The following WEE1 variants were observed in gnomAD, a reference collection of about 807,000 sequenced individuals.
WEE1 encodes the protein wee1-like protein kinase.
A neutral mutation model predicts 68.8 loss-of-function variants in WEE1; 16 were observed. That is an observed-to-expected ratio of 0.23 (90% confidence interval 0.16 to 0.35). The LOEUF is 0.35. WEE1 is among the 10% of genes least tolerant of loss of function. The pLI is 1.00. For missense variants in WEE1, 651 were observed against 824.1 expected (o/e 0.79, Z 2.57); for synonymous variants, 349 against 318.7 (o/e 1.09, Z -1.01).
chr11:9,574,973 T>C lies in WEE1; in HGVS notation c.576+464T>C, dbSNP rs1169058264. 1.8e-5 allele frequency: 18 copies of C among 985,460 alleles called. No homozygotes were observed. Among genetic ancestry groups the C allele is most frequent in the Non-Finnish European group, 2.2e-5 (18 of 830,086 alleles). The allele number at this position is 985,460 out of a possible 1,614,324, so 61.0% of individuals were successfully genotyped here. Reference sequence around the variant, plus strand: ...AAAAATAATTGTCCCGCCCTGATCGTGTCGTGTCGTGTGGCGTGGATGGGG... The same window carrying C: ...AAAAATAATTGTCCCGCCCTGATCGCGTCGTGTCGTGTGGCGTGGATGGGG... On this transcript the variant is annotated intron_variant, in intron 1 of 10. Coordinates refer to ENST00000450114, the MANE Select transcript of WEE1 (RefSeq NM_003390.4). The surrounding 1 kb of genome is among the most constrained non-coding windows in gnomAD (Gnocchi z 4.9).
chr11:9,575,359 A>T (rs1849554217), intron 1 of WEE1: 2 of 991,218 alleles, frequency 2.0e-6, no homozygotes, highest in Non-Finnish European at 2.4e-6. Flanking sequence ...GTTAACAGGG[A>T]AGATGCACCT....
intron 6 of WEE1, 196 bp from the exon 7 acceptor site, chr11:9,585,062 C>CAA: frequency 3.8e-6 from 2 of 532,322 alleles, no homozygotes; most frequent in Non-Finnish European, 3.3e-6. Context: ...CACACTGTCT[C>CAA]AAAAAAAAAC....
rs147130750 is a variant in WEE1 at position 9,589,557 on chromosome 11, C to T, written c.*955C>T. The T allele has an allele frequency of 2.0e-4, 194 of 985,584 alleles. No homozygotes were observed. Among genetic ancestry groups the T allele is most frequent in the Non-Finnish European group, 1.9e-4 (157 of 829,806 alleles). 61.1% of individuals were successfully genotyped at this position (985,584 alleles called of 1,614,324 possible). On this transcript the variant is annotated 3_prime_UTR_variant, in exon 11 of 11. Coordinates refer to ENST00000450114, the MANE Select transcript of WEE1 (RefSeq NM_003390.4). The stretch of plus-strand genomic sequence containing the variant: ...ATAGCTGTTTGAAATGCCAGAATGA[C>T]TTCTGACATTCCAAGTTTTTCACAA...
rs1589982637 is a variant in WEE1 at position 9,589,275 on chromosome 11, T to C, written c.*673T>C. The C allele has an allele frequency of 1.1e-5, 2 of 177,202 alleles. No individual in the cohort carries two copies. Among genetic ancestry groups the C allele is most frequent in the Non-Finnish European group, 1.9e-5 (2 of 105,802 alleles). The allele number at this position is 177,202 out of a possible 1,614,324, so 11.0% of individuals were successfully genotyped here. On this transcript the variant is annotated 3_prime_UTR_variant, in exon 11 of 11. Coordinates refer to ENST00000450114, the MANE Select transcript of WEE1 (RefSeq NM_003390.4). ...TTTTGATGAAAAGCAGCTATTTGCC[T>C]TTTTTTTTTTTTCCTTTGAACTTTG...
rs185250489 is a variant in WEE1, at chr11:9,583,060, A to C, written c.1288+1382A>C. Among the ~76,000 whole-genome samples the C allele has an allele frequency of 3.9e-5, 6 of 152,230 alleles. No homozygotes were observed. In the East Asian group the frequency reaches 9.7e-4, roughly 25 times the overall value. On this transcript the variant is annotated intron_variant, in intron 6 of 10. Coordinates refer to ENST00000450114, the MANE Select transcript of WEE1 (RefSeq NM_003390.4). ...ACCAGGTGCAGTGGCTGACGCCTGT[A>C]ATCCCAGCACTCTGGCAGGCCAAGG... is the stretch of plus-strand genomic sequence containing the variant.
chr11:9,586,170 G>T (rs1278414173), intron 8 of WEE1, among the ~76,000 whole-genome samples: 2 of 152,132 alleles, frequency 1.3e-5, no homozygotes, highest in Non-Finnish European at 2.9e-5. Context: ...GAGGTAGAGG[G>T]ATTTCTTTTG....
Position 9,574,964 on chromosome 11 carries a change from C to G in WEE1, c.576+455C>G. ...AGTTTAAAGAAAAATAATTGTCCCG[C>G]CCTGATCGTGTCGTGTCGTGTGGCG... On this transcript the variant is annotated intron_variant, in intron 1 of 10. Coordinates refer to ENST00000450114, the MANE Select transcript of WEE1 (RefSeq NM_003390.4). This position sits in a 1 kb window ranked among gnomAD's most constrained non-coding sequence, Gnocchi z 4.9. 3.0e-6 allele frequency: 3 copies of G among 985,662 alleles called. No homozygotes were observed. Among genetic ancestry groups the G allele is most frequent in the Non-Finnish European group, 3.6e-6 (3 of 830,130 alleles). 61.1% of individuals were successfully genotyped at this position (985,662 alleles called of 1,614,324 possible).
At chr11:9,582,907 G>T (rs1849643974) in intron 6 of WEE1, among the ~76,000 whole-genome samples, 1 of 152,152 alleles carries the variant, frequency 6.6e-6, no homozygotes, top group African/African-American at 2.4e-5. Flanking sequence ...TGGATTTAAG[G>T]CAGTAAATGT....
chr11:9,585,481 T>C lies in WEE1; in HGVS notation c.1424T>C (p.Val475Ala). 6 of 1,604,314 alleles carry C rather than the reference T, an allele frequency of 3.7e-6. No homozygotes were observed. The South Asian group carries it at 5.7e-5, about 15-fold the overall frequency. The part of the protein sequence containing the change: ...GHVTRISSPQ[V>A]EEGDSRFLAN... The stretch of plus-strand genomic sequence containing the variant: ...GTAACAAGGATCTCCAGTCCACAAG[T>C]TGAAGAGGGCGATAGTCGTTTTCTT... Residue 475 changes from valine to alanine, a missense_variant, in exon 8 of 11, where the codon GTT (valine) becomes GCT (alanine). This residue lies in a region of WEE1 where 82 missense variants were observed against 123.2 expected (regional missense o/e 0.67). Transcript: ENST00000450114.
rs765764412 is a variant in WEE1 at position 9,586,526 on chromosome 11, T to A, written c.1548T>A (p.Leu516=). The change falls in exon 9 of 11, where the codon CTT becomes CTA. Residue 516 remains leucine (L), a synonymous_variant. Coordinates refer to ENST00000450114, the MANE Select transcript of WEE1 (RefSeq NM_003390.4). ...TATGTGCTGCTGGTGCTGAACCTCT[T>A]CCGAGAAATGGAGATCAATGGCATG... ...TVVCAAGAEP[L]PRNGDQWHEI... 1 of 1,614,152 alleles carries A rather than the reference T, an allele frequency of 6.2e-7. No individual in the cohort carries two copies. The highest frequency in any genetic ancestry group is 8.5e-7 in the Non-Finnish European group (1 of 1,180,014).
rs1775009653 is a variant in WEE1 at position 9,586,677 on chromosome 11, A to G, written c.1642-34A>G. The stretch of plus-strand genomic sequence containing the variant: ...CATGGTTCTATATTTTATTAAATGC[A>G]TGTCTTTACCTTCATTTTACTTTTC... On this transcript the variant is annotated intron_variant, in intron 9 of 10. Transcript: ENST00000450114. 4 of 1,611,536 alleles carry G rather than the reference A, an allele frequency of 2.5e-6. No individual in the cohort carries two copies. In the South Asian group the frequency reaches 3.3e-5, roughly 13 times the overall value.
Position 9,586,865 on chromosome 11 carries a change from G to A in WEE1, c.1787+9G>A, listed in dbSNP as rs1238677448. On this transcript the variant is annotated intron_variant, in intron 10 of 10. Transcript: ENST00000450114. ...AATTCACTTTTACAAAAGTAAGTGA[G>A]GGTTTTATGTTTTCTTTTTGCTTTT... The A allele has an allele frequency of 6.3e-7, 1 of 1,592,568 alleles. No homozygotes were observed. The highest frequency in any genetic ancestry group is 8.5e-7 in the Non-Finnish European group (1 of 1,172,592).
Position 9,573,909 on chromosome 11 carries a change from C to T in WEE1, c.-25C>T. ...ACCCCGCAGGCCTCCGCTCTCCTGT[C>T]CTCGGCCCCGTCCCCAGGGCCGCGA... On this transcript the variant is annotated 5_prime_UTR_variant, in exon 1 of 11. Transcript: ENST00000450114. 2 of 1,246,366 alleles carry T rather than the reference C, an allele frequency of 1.6e-6. No homozygotes were observed. Among genetic ancestry groups the T allele is most frequent in the Non-Finnish European group, 2.0e-6 (2 of 996,318 alleles). The allele number at this position is 1,246,366 out of a possible 1,614,324, so 77.2% of individuals were successfully genotyped here.
At chr11:9,588,318 C>T in intron 10 of WEE1, 131 bp from the exon 11 acceptor site, 1 of 544,966 alleles carries the variant, frequency 1.8e-6, no homozygotes, top group Non-Finnish European at 2.9e-6. Context: ...CTTCAGTTTC[C>T]TGTTTTATTT....
At chr11:9,585,199 G>T (rs1361024525) in intron 6 of WEE1, 59 bp from the exon 7 acceptor site, 12 of 1,315,988 alleles carry the variant, frequency 9.1e-6, no homozygotes, top group Non-Finnish European at 1.3e-5. Flanking sequence ...ATATGATCTT[G>T]TTTATGAACT....
Position 9,576,030 on chromosome 11 carries a change from C to A in WEE1, c.719C>A (p.Pro240Gln). 6.2e-7 allele frequency: 1 copy of A among 1,614,102 alleles called. No individual in the cohort carries two copies. Among genetic ancestry groups the A allele is most frequent in the Non-Finnish European group, 8.5e-7 (1 of 1,180,000 alleles). ...CAAGTGAATATTAATCCTTTTACTC[C>A]GGATTCTTTGTTGCTTCATTCCTCA... The part of the protein sequence containing the change: ...TPQVNINPFT[P>Q]DSLLLHSSGQ... The change falls in exon 2 of 11, where the codon CCG (proline) becomes CAG (glutamine). Residue 240 changes from proline to glutamine, a missense_variant. Coordinates refer to ENST00000450114, the MANE Select transcript of WEE1 (RefSeq NM_003390.4). This position sits in a 1 kb window ranked among gnomAD's most constrained non-coding sequence, Gnocchi z 4.3.
At position 9,574,202 on chromosome 11, in the gene WEE1, A is replaced by G. The variant is rs578111142; in HGVS notation, c.269A>G (p.Glu90Gly). The G allele has an allele frequency of 2.1e-4, 244 of 1,174,610 alleles. 1 individual carries two copies. In the East Asian group the frequency reaches 8.7e-3, roughly 42 times the overall value. The allele number at this position is 1,174,610 out of a possible 1,614,324, so 72.8% of individuals were successfully genotyped here. Residue 90 changes from glutamate (E) to glycine (G), a missense_variant, in exon 1 of 11, where the codon GAG becomes GGG. By Grantham distance (98) the Glu-to-Gly change is moderately conservative. Transcript: ENST00000450114. The surrounding 1 kb of genome is among the most constrained non-coding windows in gnomAD (Gnocchi z 4.9). ...GCCCCCGGCAGCCCCGGCGAGCTGG[A>G]GGAGGACCTGTTGCTGCCCGGCGCC... is the stretch of plus-strand genomic sequence containing the variant. The part of the protein sequence containing the change: ...GPAPGSPGEL[E>G]EDLLLPGACP...
At chr11:9,577,539 G>T in intron 5 of WEE1, 1 of 385,870 alleles carries the variant, frequency 2.6e-6, no homozygotes, top group Non-Finnish European at 4.8e-6. Flanking sequence ...ATATATTTTG[G>T]TGTCCGTAGT....
In WEE1 at chr11:9,588,929, A is replaced by G; in HGVS notation, c.*327A>G. ...TGTCTTTCCCTGTAGTGACCTGTAA[A>G]AAGTACTCAAGGGCTTTATTACAGA... On this transcript the variant is annotated 3_prime_UTR_variant, in exon 11 of 11. Coordinates refer to ENST00000450114, the MANE Select transcript of WEE1 (RefSeq NM_003390.4). The G allele has an allele frequency of 1.0e-6, 1 of 994,906 alleles. No individual in the cohort carries two copies. Among genetic ancestry groups the G allele is most frequent in the Non-Finnish European group, 1.2e-6 (1 of 835,852 alleles). The allele number at this position is 994,906 out of a possible 1,614,324, so 61.6% of individuals were successfully genotyped here.
Sources: gnomAD v4.1 joint callset for allele counts (sites outside exome capture counted in the v4.1 genomes callset) on GRCh38, gnomAD v4.1.1 for gene constraint, gnomAD v4.1.1 regional missense constraint, Gnocchi (gnomAD v3.1) non-coding constraint, MANE v1.5 for transcripts, NCBI Gene and HGNC (gene_info 2026-07-23, HGNC 2026-07-21) for gene names.